The following LAMA2 variants were observed in gnomAD, a reference collection of about 807,000 sequenced individuals.
LAMA2 encodes laminin subunit alpha-2.
A neutral mutation model predicts 364.8 loss-of-function variants in LAMA2; 269 were observed. The observed-to-expected ratio is 0.74, with a 90% CI of 0.67 to 0.82. The LOEUF (loss-of-function observed/expected upper bound fraction) is 0.82, where lower values mean the gene tolerates loss of function less well. Among genes scored for constraint, LAMA2 ranks in the 40% least tolerant of loss-of-function variants. The pLI, the probability that LAMA2 is intolerant of heterozygous loss-of-function variation, is 0.00. For missense variants in LAMA2, 3,807 were observed against 3,873.2 expected (o/e 0.98, Z 0.45); for synonymous variants, 1,379 against 1,370.6 (o/e 1.01, Z -0.14).
intron 11 of LAMA2, 97 bp downstream of exon 11, chr6:129,190,442 T>G (rs1448899906): frequency 4.8e-6 from 6 of 1,237,220 alleles, no homozygotes; most frequent in Middle Eastern, 1.9e-4. Flanking sequence ...GATAGTGAAC[T>G]TCTACATAAA....
Position 129,194,122 on chromosome 6 carries a change from G to A in LAMA2, c.1782+1269G>A, listed in dbSNP as rs187229179. ...TATCCTATTCTATTTAGGAAACTCT[G>A]GTATTCCCAAAAGAACAAAACAGCA... On this transcript the variant is annotated intron_variant, in intron 12 of 64. Coordinates refer to ENST00000421865, the MANE Select transcript of LAMA2 (RefSeq NM_000426.4). Among the ~76,000 whole-genome samples, 58 of 151,966 alleles carry A rather than the reference G, an allele frequency of 3.8e-4. 1 individual carries two copies. The highest frequency in any genetic ancestry group is 7.4e-4 in the Non-Finnish European group (50 of 67,954).
At position 129,184,284 on chromosome 6, in the gene LAMA2, A is replaced by C. The variant is rs376491577; in HGVS notation, c.1468-5921A>C. On this transcript the variant is annotated intron_variant, in intron 10 of 64. Transcript: ENST00000421865. Reference sequence around the variant, plus strand: ...TTTACAAATGGACTTCAATGTGTACATTTAATCCTGAATCTAAATTACAGA... The same window carrying C: ...TTTACAAATGGACTTCAATGTGTACCTTTAATCCTGAATCTAAATTACAGA... Among the ~76,000 whole-genome samples, 20 of 152,124 alleles carry C rather than the reference A, an allele frequency of 1.3e-4. No homozygotes were observed. In the East Asian group the frequency reaches 1.5e-3, roughly 12 times the overall value.
At chr6:129,091,249 G>T (rs1403570825) in intron 3 of LAMA2, among the ~76,000 whole-genome samples, 1 of 152,130 alleles carries the variant, frequency 6.6e-6, no homozygotes, top group Non-Finnish European at 1.5e-5. Flanking sequence ...TGAAGAGTTA[G>T]GCATTGATTT....
intron 9 of LAMA2, among the ~76,000 whole-genome samples, chr6:129,166,294 T>C (rs1779738258): frequency 6.6e-6 from 1 of 152,206 alleles, no homozygotes; most frequent in African/African-American, 2.4e-5. Flanking sequence ...TAAAAGCGTT[T>C]GGGAGCTACT....
intron 22 of LAMA2, among the ~76,000 whole-genome samples, chr6:129,305,066 C>T (rs927308760): frequency 2.0e-5 from 3 of 152,136 alleles, no homozygotes; most frequent in Non-Finnish European, 4.4e-5. Flanking sequence ...TCACTTCTCT[C>T]AGGTTTTATT....
chr6:129,335,160 C>A (rs562329254), intron 29 of LAMA2, among the ~76,000 whole-genome samples: 1 of 152,126 alleles, frequency 6.6e-6, no homozygotes. Flanking sequence ...ATGATACTTG[C>A]AAGATAATTG....
At chr6:129,386,380 T>C (rs1410767887) in intron 35 of LAMA2, among the ~76,000 whole-genome samples, 1 of 152,068 alleles carries the variant, frequency 6.6e-6, no homozygotes, top group Admixed American at 6.5e-5. Context: ...TGTATGTTTA[T>C]ATATGTCTAT....
chr6:129,190,441 C>A (rs1781464273), intron 11 of LAMA2, 96 bp downstream of exon 11: 1 of 1,236,784 alleles, frequency 8.1e-7, no homozygotes, highest in South Asian at 1.3e-5. Context: ...TGATAGTGAA[C>A]TTCTACATAA....
At chr6:128,930,431 T>G (rs1291854800) in intron 1 of LAMA2, among the ~76,000 whole-genome samples, 1 of 152,190 alleles carries the variant, frequency 6.6e-6, no homozygotes, top group Non-Finnish European at 1.5e-5. Context: ...AGAACTGACA[T>G]GCTTTACTCT....
At chr6:129,054,373 A>C (rs1788318757) in intron 2 of LAMA2, among the ~76,000 whole-genome samples, 1 of 152,204 alleles carries the variant, frequency 6.6e-6, no homozygotes, top group Non-Finnish European at 1.5e-5. Context: ...GAATTGATGG[A>C]TTATTAGTTT....
chr6:129,304,495 C>G (rs1333893863), intron 22 of LAMA2, among the ~76,000 whole-genome samples: 1 of 152,176 alleles, frequency 6.6e-6, no homozygotes, highest in Non-Finnish European at 1.5e-5. Flanking sequence ...GATCTCCTGA[C>G]CTCGTGATCC....
At chr6:129,116,682 A>G (rs1583070582) in intron 4 of LAMA2, among the ~76,000 whole-genome samples, 1 of 152,154 alleles carries the variant, frequency 6.6e-6, no homozygotes, top group African/African-American at 2.4e-5. Flanking sequence ...AACAATTTTA[A>G]TAACATGCAT....
At chr6:129,076,300 G>C (rs1773627274) in intron 3 of LAMA2, among the ~76,000 whole-genome samples, 1 of 151,016 alleles carries the variant, frequency 6.6e-6, no homozygotes, top group South Asian at 2.1e-4. Context: ...AATACATCAA[G>C]AAAGAGGGAA....
chr6:129,383,047 C>T (rs1778783508), intron 34 of LAMA2, 75 bp from the exon 35 acceptor site: 1 of 1,189,328 alleles, frequency 8.4e-7, no homozygotes, highest in Non-Finnish European at 1.2e-6. Flanking sequence ...AAAGAAAATG[C>T]AGCCAGTGGG....
intron 4 of LAMA2, among the ~76,000 whole-genome samples, chr6:129,133,951 A>T (rs762444710): frequency 6.6e-6 from 1 of 152,148 alleles, no homozygotes; most frequent in Non-Finnish European, 1.5e-5. Context: ...AGGAGACTGA[A>T]TTTCTCTTTT....
At chr6:129,341,928 G>A (rs1310711545) in intron 29 of LAMA2, among the ~76,000 whole-genome samples, 2 of 152,208 alleles carry the variant, frequency 1.3e-5, no homozygotes, top group Non-Finnish European at 2.9e-5. Context: ...ATGTGCCAAG[G>A]CCACAGTATT....
intron 3 of LAMA2, among the ~76,000 whole-genome samples, chr6:129,095,418 T>C (rs1775114230): frequency 6.6e-6 from 1 of 152,220 alleles, no homozygotes; most frequent in Non-Finnish European, 1.5e-5. Context: ...CTGATCATCA[T>C]ATACATTTCT....
At chr6:129,342,272 G>A (rs546531834) in intron 29 of LAMA2, 71 bp from the exon 30 acceptor site, 4 of 1,334,018 alleles carry the variant, frequency 3.0e-6, no homozygotes, top group Non-Finnish European at 4.3e-6. Context: ...CATAGCTAGG[G>A]ACTGTATGAT....
At chr6:129,036,624 T>C (rs1786657153) in intron 1 of LAMA2, among the ~76,000 whole-genome samples, 1 of 151,892 alleles carries the variant, frequency 6.6e-6, no homozygotes, top group Non-Finnish European at 1.5e-5. Context: ...TGTACTACTT[T>C]TTCTGATTAA....
Sources: allele counts gnomAD v4.1 joint callset (sites outside exome capture counted in the v4.1 genomes callset), GRCh38; gene constraint gnomAD v4.1.1; transcripts MANE v1.5; gene names NCBI Gene and HGNC (gene_info 2026-07-23, HGNC 2026-07-21).